Variants in SLC25A12 observed in about 807,000 individuals in gnomAD.
The protein encoded by SLC25A12 is solute carrier family 25 member 12, also known as electrogenic aspartate/glutamate antiporter SLC25A12, mitochondrial.
SLC25A12 carries 32 observed loss-of-function variants against 83.3 expected under a neutral mutation model. That is an observed-to-expected ratio of 0.38 (90% CI 0.29 to 0.52). The LOEUF (loss-of-function observed/expected upper bound fraction) is 0.52, where lower values mean the gene tolerates loss of function less well. SLC25A12 is among the 20% of genes least tolerant of loss of function. SLC25A12 has a pLI of 0.84. For synonymous variants in SLC25A12, 267 were observed against 291.1 expected, an observed-to-expected ratio of 0.92 and a Z score of 0.84; for missense variants, 611 against 835.6, an observed-to-expected ratio of 0.73 and a Z score of 3.31.
At chr2:171,791,228 C>T (rs1166144757) in intron 15 of SLC25A12, among the ~76,000 whole-genome samples, 2 of 152,154 alleles carry the variant, frequency 1.3e-5, no homozygotes, top group Non-Finnish European at 2.9e-5. Flanking sequence ...TCTAATTTGG[C>T]TCTGAGTTGC....
chr2:171,886,273 C>G (rs929829006), intron 2 of SLC25A12, among the ~76,000 whole-genome samples: 2 of 138,928 alleles, frequency 1.4e-5, no homozygotes, highest in African/African-American at 5.4e-5. Flanking sequence ...CTCTGTCACT[C>G]AGGCTGGAGT....
intron 9 of SLC25A12, among the ~76,000 whole-genome samples, chr2:171,817,441 A>G (rs1486895071): frequency 6.6e-6 from 1 of 151,750 alleles, no homozygotes; most frequent in African/African-American, 2.4e-5. Flanking sequence ...CTCTCTACTA[A>G]AAATACAAAA....
chr2:171,809,412 T>A (rs1260986243), intron 13 of SLC25A12, 194 bp downstream of exon 13: 3 of 602,612 alleles, frequency 5.0e-6, no homozygotes, highest in Non-Finnish European at 8.8e-6. Context: ...TGGCGGAAAA[T>A]GCTACCTCTT....
chr2:171,834,257 A>G, intron 7 of SLC25A12: 1 of 541,458 alleles, frequency 1.8e-6, no homozygotes, highest in Middle Eastern at 5.0e-4. Flanking sequence ...AAATGTTAAG[A>G]TGATAAAACA....
At chr2:171,827,750 A>C (rs917633088) in intron 8 of SLC25A12, among the ~76,000 whole-genome samples, 3 of 152,220 alleles carry the variant, frequency 2.0e-5, no homozygotes, top group Non-Finnish European at 4.4e-5. Flanking sequence ...ATATGCCAAG[A>C]AACTGGACAA....
rs534362638 is a variant in SLC25A12, at chr2:171,793,326, A to G, written c.1446+301T>C. 2.0e-5 allele frequency among the ~76,000 whole-genome samples: 3 copies of G among 152,236 alleles called. No homozygotes were observed. The East Asian group carries it at 5.8e-4, about 29-fold the overall frequency. Reference sequence around the variant, plus strand: ...TGAAGCCCTAAACCAACCCAAAGAGAGCACCAGGGAAAGTTTTCCCAAGCC... The same window carrying G: ...TGAAGCCCTAAACCAACCCAAAGAGGGCACCAGGGAAAGTTTTCCCAAGCC... On this transcript the variant is annotated intron_variant, in intron 14 of 17. Transcript: ENST00000422440.
chr2:171,842,904 C>T (rs1446931200), intron 5 of SLC25A12, among the ~76,000 whole-genome samples: 3 of 152,192 alleles, frequency 2.0e-5, no homozygotes, highest in Non-Finnish European at 4.4e-5. Context: ...TCACTGCAAC[C>T]TCCACCTCCT....
intron 17 of SLC25A12, 52 bp downstream of exon 17, chr2:171,787,519 T>A: frequency 7.3e-7 from 1 of 1,366,696 alleles, no homozygotes; most frequent in South Asian, 1.2e-5. Flanking sequence ...AGAACAAACA[T>A]TTGTTTTGGA....
rs1377572396 is a variant in SLC25A12 at position 171,783,879 on chromosome 2, C to T, written c.*1395G>A. Reference sequence around the variant, plus strand: ...AGTCACAGGGCTGTCAGCCATCAATCGAGGAGCACTGTGCAGGATACTAAG... The same window carrying T: ...AGTCACAGGGCTGTCAGCCATCAATTGAGGAGCACTGTGCAGGATACTAAG... On this transcript the variant is annotated 3_prime_UTR_variant, in exon 18 of 18. Coordinates refer to ENST00000422440, the MANE Select transcript of SLC25A12 (RefSeq NM_003705.5). Among the ~76,000 whole-genome samples, 1 of 152,188 alleles carries T rather than the reference C, an allele frequency of 6.6e-6. No individual in the cohort carries two copies. The highest frequency in any genetic ancestry group is 1.5e-5 in the Non-Finnish European group (1 of 68,042).
rs557479291 is a variant in SLC25A12 at position 171,806,487 on chromosome 2, T to C, written c.1305+3119A>G. Among the ~76,000 whole-genome samples, 3 of 151,952 alleles carry C rather than the reference T, an allele frequency of 2.0e-5. No homozygotes were observed. The East Asian group carries it at 5.8e-4, about 29-fold the overall frequency. ...AAAACGAAAACAAAAACAAACCAGATAATAAAACAAAACATACAACAACAA... is the reference window on the plus strand; with the variant it reads ...AAAACGAAAACAAAAACAAACCAGACAATAAAACAAAACATACAACAACAA... On this transcript the variant is annotated intron_variant, in intron 13 of 17. Transcript: ENST00000422440.
At chr2:171,861,985 GT>G (rs1437418883) in intron 3 of SLC25A12, among the ~76,000 whole-genome samples, 1 of 152,138 alleles carries the variant, frequency 6.6e-6, no homozygotes, top group East Asian at 1.9e-4. Flanking sequence ...AATTTGGTGT[GT>G]TTTTTAAAAA....
chr2:171,810,135 A>G, intron 12 of SLC25A12, 89 bp downstream of exon 12: 13 of 1,095,954 alleles, frequency 1.2e-5, no homozygotes, highest in South Asian at 2.5e-5. Context: ...GATTATAGGC[A>G]TGAGCTACCA....
At chr2:171,837,003 C>T in intron 6 of SLC25A12, 118 bp downstream of exon 6, 3 of 958,128 alleles carry the variant, frequency 3.1e-6, no homozygotes, top group Non-Finnish European at 4.8e-6. Flanking sequence ...TACTTTCTAC[C>T]AACCAAGCAT....
rs749385515 is a variant in SLC25A12 at position 171,809,738 on chromosome 2, T to C, written c.1225-52A>G. On this transcript the variant is annotated intron_variant, in intron 12 of 17. Transcript: ENST00000422440. ...CCAAAATTCCCAACCATTTCTCTTCTGGCATACTGTTGCTTTTCCAAGTCA... is the reference window on the plus strand; with the variant it reads ...CCAAAATTCCCAACCATTTCTCTTCCGGCATACTGTTGCTTTTCCAAGTCA... 33 of 1,310,920 alleles carry C rather than the reference T, an allele frequency of 2.5e-5. No individual in the cohort carries two copies. In the African/African-American group the frequency reaches 3.8e-4, roughly 15 times the overall value. The allele number at this position is 1,310,920 out of a possible 1,614,324, so 81.2% of individuals were successfully genotyped here. A position where few individuals can be genotyped will look rare whatever the true frequency, so the allele number is the denominator to read the frequency against.
At chr2:171,883,777 T>A (rs1050560962) in intron 2 of SLC25A12, among the ~76,000 whole-genome samples, 3 of 152,180 alleles carry the variant, frequency 2.0e-5, no homozygotes, top group African/African-American at 7.2e-5. Context: ...AAAAATGATT[T>A]AAAAAATGAT....
intron 15 of SLC25A12, 66 bp downstream of exon 15, chr2:171,791,385 C>A: frequency 7.6e-7 from 1 of 1,312,474 alleles, no homozygotes; most frequent in Non-Finnish European, 1.1e-6. Flanking sequence ...GGGGAAAGTA[C>A]ATAGAGATTC....
intron 3 of SLC25A12, among the ~76,000 whole-genome samples, chr2:171,868,004 C>A (rs1175091265): frequency 6.6e-6 from 1 of 152,004 alleles, no homozygotes; most frequent in Non-Finnish European, 1.5e-5. Context: ...GTCACCGTGT[C>A]TGGCTAATTT....
intron 2 of SLC25A12, 113 bp from the exon 3 acceptor site, chr2:171,868,936 A>G (rs1400940787): frequency 7.4e-6 from 7 of 949,258 alleles, no homozygotes; most frequent in Non-Finnish European, 1.1e-5. Flanking sequence ...CAAAATAAAG[A>G]TAATAAATGC....
intron 2 of SLC25A12, among the ~76,000 whole-genome samples, chr2:171,884,877 A>T (rs1002940198): frequency 2.0e-5 from 3 of 152,132 alleles, no homozygotes; most frequent in African/African-American, 4.8e-5. Flanking sequence ...ATAAAGGTAG[A>T]ACCTAGTACA....
Sources: gnomAD v4.1 joint callset for allele counts (sites outside exome capture counted in the v4.1 genomes callset) on GRCh38, gnomAD v4.1.1 for gene constraint, MANE v1.5 for transcripts, NCBI Gene and HGNC (gene_info 2026-07-23, HGNC 2026-07-21) for gene names.